The following IDUA variants were observed in gnomAD, a reference collection of about 807,000 sequenced individuals.
The protein encoded by IDUA is alpha-L-iduronidase.
IDUA carries 65 observed loss-of-function variants against 68.9 expected under a neutral mutation model. The ratio of observed to expected loss-of-function variants is 0.94; its 90% CI spans 0.77 to 1.16. IDUA has a LOEUF of 1.16. IDUA is among the 50% of genes most tolerant of loss of function. IDUA has a pLI of 0.00. For synonymous variants in IDUA, 529 were observed against 433.6 expected (o/e 1.22, Z -2.73); for missense variants, 1,046 against 938.0 (o/e 1.12, Z -1.50).
rs727503966 is a variant in IDUA, at chr4:987,808, GC to G, written c.164del (p.Pro55ArgfsTer53). On this transcript the variant is annotated frameshift_variant and splice_region_variant, in exon 2 of 14. Coordinates refer to ENST00000514224, the MANE Select transcript of IDUA (RefSeq NM_000203.5). LOFTEE classifies it high-confidence loss of function. ...CTGAGCCGCCCCTTTGTTGTCCCCA[GC>G]CCCCCGCTGCCACACAGCCAGGCTG... ...LRRFWRSTGF[C>X]PPLPHSQADQ... The G allele has an allele frequency of 6.2e-7, 1 of 1,612,180 alleles. No individual in the cohort carries two copies. Among genetic ancestry groups the G allele is most frequent in the Non-Finnish European group, 8.5e-7 (1 of 1,179,824 alleles).
chr4:998,789 C>G (rs1251233660), intron 2 of IDUA, among the ~76,000 whole-genome samples: 1 of 151,158 alleles, frequency 6.6e-6, no homozygotes, highest in Non-Finnish European at 1.5e-5. Context: ...CCCGACCCCC[C>G]ACCTCACCCC....
intron 2 of IDUA, among the ~76,000 whole-genome samples, chr4:994,307 G>T (rs1714594672): frequency 1.3e-5 from 2 of 150,620 alleles, no homozygotes; most frequent in Admixed American, 6.6e-5. Context: ...GCGGAGTCTT[G>T]CTCTGTCACC....
rs756245768 is a variant in IDUA, at chr4:989,126, C to T, written c.299+1177C>T. The T allele has an allele frequency of 5.0e-6, 8 of 1,606,270 alleles. No homozygotes were observed. Among genetic ancestry groups the T allele is most frequent in the Admixed American group, 3.4e-5 (2 of 59,532 alleles). ...ACCACTGTGTGGAAGCCGGCCGCTG[C>T]GGGCACCAGCGCAGCCCTGGTGCTA... On this transcript the variant is annotated intron_variant, in intron 2 of 13. Transcript: ENST00000514224.
intron 8 of IDUA, 24 bp from the exon 9 acceptor site, chr4:1,002,708 C>A: frequency 1.4e-6 from 2 of 1,424,220 alleles, no homozygotes; most frequent in Non-Finnish European, 1.9e-6. Context: ...CCCCACGCGG[C>A]GACGGCCCCC....
At chr4:990,625 G>C (rs76493568) in intron 2 of IDUA, 102 of 505,148 alleles carry the variant, frequency 2.0e-4, no homozygotes, top group Middle Eastern at 1.5e-3. Context: ...CCCTTGTCAC[G>C]TGCAGCAGCC....
intron 2 of IDUA, among the ~76,000 whole-genome samples, chr4:993,933 G>A (rs1310839152): frequency 6.6e-6 from 1 of 152,220 alleles, no homozygotes; most frequent in South Asian, 2.1e-4. Context: ...GGACTGCCGG[G>A]GTCAAGGTGC....
intron 2 of IDUA, chr4:991,493 C>A (rs778522667): frequency 1.7e-5 from 27 of 1,610,432 alleles, no homozygotes; most frequent in Non-Finnish European, 2.3e-5. Flanking sequence ...ATGACGTCGC[C>A]TGCCAGGTAC....
In IDUA at chr4:1,000,679, G is replaced by T; in HGVS notation, c.367G>T (p.Glu123Ter). 6.2e-7 allele frequency: 1 copy of T among 1,612,106 alleles called. No homozygotes were observed. ...HLDGYLDLLR[E>*]NQLLPGFELM... ...GGACGGGTACCTGGACCTTCTCAGG[G>T]AGAACCAGCTCCTCCCAGGTGAGCT... The change falls in exon 3 of 14, where the codon GAG becomes TAG. Residue 123 changes from glutamate (E) to a stop codon, truncating the protein, a stop_gained. Transcript: ENST00000514224. LOFTEE classifies it high-confidence loss of function.
rs776142577 is a variant in IDUA at position 991,292 on chromosome 4, C to A, written c.299+3343C>A. Reference sequence around the variant, plus strand: ...AAGCCGGCCAGCTGGAGCTCCCGGTCCACCACCTGCCCCACCATGAGGCAA... The same window carrying A: ...AAGCCGGCCAGCTGGAGCTCCCGGTACACCACCTGCCCCACCATGAGGCAA... On this transcript the variant is annotated intron_variant, in intron 2 of 13. Transcript: ENST00000514224. The A allele has an allele frequency of 2.5e-6, 4 of 1,612,722 alleles. No individual in the cohort carries two copies. The Admixed American group carries it at 5.0e-5, about 20-fold the overall frequency.
In IDUA at chr4:998,506, C is replaced by T. The variant is rs555973123; in HGVS notation, c.300-2106C>T. 3.5e-4 allele frequency among the ~76,000 whole-genome samples: 53 copies of T among 152,304 alleles called. 1 individual carries two copies. Among genetic ancestry groups the T allele is most frequent in the South Asian group, 1.2e-3 (6 of 4,830 alleles). ...CCCCACGGGCAGCTGTGCTCACCTG[C>T]GTGGCGTCCGCAGGAAGCCCTCAGA... On this transcript the variant is annotated intron_variant, in intron 2 of 13. Coordinates refer to ENST00000514224, the MANE Select transcript of IDUA (RefSeq NM_000203.5).
In IDUA at chr4:995,233, C is replaced by T. The variant is rs11935083; in HGVS notation, c.300-5379C>T. 8.5e-3 allele frequency among the ~76,000 whole-genome samples: 1,288 copies of T among 151,820 alleles called. 14 individuals are homozygous for T. The highest frequency in any genetic ancestry group is 0.029 in the African/African-American group (1,186 of 41,392). On this transcript the variant is annotated intron_variant, in intron 2 of 13. Transcript: ENST00000514224. ...CTAATTTTTGTATTTTTAGTAGAGA[C>T]AGGGTTTCACTATGTTGGTCAGGCT... is the stretch of plus-strand genomic sequence containing the variant.
chr4:992,592 G>A (rs749552485), intron 2 of IDUA: 26 of 195,830 alleles, frequency 1.3e-4, no homozygotes, highest in African/African-American at 4.9e-4. Context: ...GACGTGAGGC[G>A]CCCTTTTTCC....
intron 1 of IDUA, chr4:987,601 T>C (rs1713835761): frequency 6.3e-6 from 9 of 1,422,200 alleles, no homozygotes; most frequent in Non-Finnish European, 8.3e-6. Flanking sequence ...AGGGCTGGCG[T>C]TGGCCCCTCG....
At chr4:988,805 C>G (rs753026575) in intron 2 of IDUA, 1 of 1,524,768 alleles carries the variant, frequency 6.6e-7, no homozygotes, top group Non-Finnish European at 8.8e-7. Context: ...CAGGAGGGAG[C>G]AGAGGCTGCT....
At chr4:998,845 C>T (rs1417494735) in intron 2 of IDUA, among the ~76,000 whole-genome samples, 3 of 150,660 alleles carry the variant, frequency 2.0e-5, no homozygotes, top group African/African-American at 7.3e-5. Flanking sequence ...ACAGCCTGCA[C>T]AGCCACCACC....
upstream of IDUA, chr4:987,014 C>T (rs886059748): frequency 2.5e-4 from 358 of 1,456,786 alleles, 1 homozygote; most frequent in Non-Finnish European, 3.1e-4. Context: ...GGGGTGCGCG[C>T]CCAGACTCCG....
Position 1,002,400 on chromosome 4 carries a change from C to T in IDUA, c.1104C>T (p.Arg368=), listed in dbSNP as rs747739718. Residue 368 remains arginine (R), a synonymous_variant, in exon 8 of 14, where the codon CGC becomes CGT. Coordinates refer to ENST00000514224, the MANE Select transcript of IDUA (RefSeq NM_000203.5). Reference sequence around the variant, plus strand: ...TCGCGCAGCGCACGCTCACCGCGCGCTTCCAGGTCAACAACACCCGCCCGC... The same window carrying T: ...TCGCGCAGCGCACGCTCACCGCGCGTTTCCAGGTCAACAACACCCGCCCGC... ...HPFAQRTLTA[R]FQVNNTRPPH... is the part of the protein sequence containing the mutation. 8 of 1,599,994 alleles carry T rather than the reference C, an allele frequency of 5.0e-6. No individual in the cohort carries two copies. The highest frequency in any genetic ancestry group is 6.8e-6 in the Non-Finnish European group (8 of 1,174,148).
chr4:1,002,720 C>CG lies in IDUA; in HGVS notation c.1190-12_1190-11insG. 4 of 1,458,506 alleles carry CG rather than the reference C, an allele frequency of 2.7e-6. No homozygotes were observed. The highest frequency in any genetic ancestry group is 1.3e-5 in the South Asian group (1 of 77,472). The allele number at this position is 1,458,506 out of a possible 1,614,324, so 90.3% of individuals were successfully genotyped here. ...CGACCCCACGCGGCGACGGCCCCCC[C>CG]CCGCCCCGCAGATGAGGAGCAGCTC... is the stretch of plus-strand genomic sequence containing the variant. On this transcript the variant is annotated splice_polypyrimidine_tract_variant and intron_variant, in intron 8 of 13. Coordinates refer to ENST00000514224, the MANE Select transcript of IDUA (RefSeq NM_000203.5).
intron 2 of IDUA, 49 bp from the exon 3 acceptor site, chr4:1,000,563 T>C (rs768264767): frequency 4.3e-6 from 6 of 1,408,520 alleles, no homozygotes; most frequent in Non-Finnish European, 5.0e-6. Flanking sequence ...GCCTGGAGCA[T>C]GGAGCTGTGT....
Sources: gnomAD v4.1 joint callset for allele counts (sites outside exome capture counted in the v4.1 genomes callset) on GRCh38, gnomAD v4.1.1 for gene constraint, MANE v1.5 for transcripts, NCBI Gene and HGNC (gene_info 2026-07-23, HGNC 2026-07-21) for gene names.